The following KDM3A variants were observed in gnomAD, a reference collection of about 807,000 sequenced individuals.
KDM3A encodes the protein lysine demethylase 3A, also known as lysine-specific demethylase 3A.
Under a neutral mutation model 158.0 loss-of-function variants are expected in KDM3A, and 60 were observed. The ratio of observed to expected loss-of-function variants is 0.38; its 90% CI spans 0.31 to 0.47. KDM3A has a LOEUF of 0.47. Among genes scored for constraint, KDM3A ranks in the 20% least tolerant of loss-of-function variants. The probability of loss-of-function intolerance (pLI) is 0.99; values close to 1 mark genes in which losing one functional copy is unlikely to be tolerated. For missense variants in KDM3A, 1,319 were observed against 1,574.3 expected (o/e 0.84, Z 2.74); for synonymous variants, 608 against 549.3 (o/e 1.11, Z -1.49).
rs755166565 is a variant in KDM3A, at chr2:86,485,117, A to G, written c.3182+88A>G. 3.7e-5 allele frequency: 28 copies of G among 763,842 alleles called. 1 individual carries two copies. Among genetic ancestry groups the G allele is most frequent in the African/African-American group, 5.3e-5 (3 of 56,566 alleles). The allele number at this position is 763,842 out of a possible 1,614,324, so 47.3% of individuals were successfully genotyped here. A position where few individuals can be genotyped will look rare whatever the true frequency, so the allele number is the denominator to read the frequency against. ...TGAGGTAGTGAGAAAACAGTTTTCA[A>G]GAAAATAACAAAAGTTCTGTAATTA... On this transcript the variant is annotated intron_variant, in intron 20 of 25. Coordinates refer to ENST00000312912, the MANE Select transcript of KDM3A (RefSeq NM_018433.6).
intron 3 of KDM3A, among the ~76,000 whole-genome samples, chr2:86,450,521 A>G (rs1422166935): frequency 6.6e-6 from 1 of 152,198 alleles, no homozygotes; most frequent in African/African-American, 2.4e-5. Flanking sequence ...CTATATCCAC[A>G]TTGTAAAGTG....
At chr2:86,439,058 CTT>C (rs1239163460), upstream of KDM3A, among the ~76,000 whole-genome samples, 2 of 151,892 alleles carry the variant, frequency 1.3e-5, no homozygotes, top group East Asian at 1.9e-4. Context: ...TGGTACGTAA[CTT>C]ATATTCCTAG....
chr2:86,456,777 C>A, intron 6 of KDM3A, 28 bp from the exon 7 acceptor site: 1 of 1,556,478 alleles, frequency 6.4e-7, no homozygotes, highest in Non-Finnish European at 8.8e-7. Flanking sequence ...TTTTATTTTC[C>A]GGTATCTTTG....
Position 86,492,392 on chromosome 2 carries a change from G to A in KDM3A, c.*273G>A, listed in dbSNP as rs1433197885. 1 of 369,044 alleles carries A rather than the reference G, an allele frequency of 2.7e-6. No homozygotes were observed. The highest frequency in any genetic ancestry group is 5.0e-6 in the Non-Finnish European group (1 of 201,808). 22.9% of individuals were successfully genotyped at this position (369,044 alleles called of 1,614,324 possible). A position where few individuals can be genotyped will look rare whatever the true frequency, so the allele number is the denominator to read the frequency against. On this transcript the variant is annotated 3_prime_UTR_variant, in exon 26 of 26. Transcript: ENST00000312912. ...AAAGCAAAACCTCGTATCAGCTCTG[G>A]AACAATACCTGCAGTTATTCTTCAG...
rs1470768693 is a variant in KDM3A, at chr2:86,474,788, C to G, written c.1737C>G (p.Asn579Lys). 1 of 1,460,586 alleles carries G rather than the reference C, an allele frequency of 6.8e-7. No homozygotes were observed. Among genetic ancestry groups the G allele is most frequent in the Non-Finnish European group, 9.2e-7 (1 of 1,082,016 alleles). The allele number at this position is 1,460,586 out of a possible 1,614,324, so 90.5% of individuals were successfully genotyped here. A position where few individuals can be genotyped will look rare whatever the true frequency, so the allele number is the denominator to read the frequency against. The part of the protein sequence containing the change: ...RFFHFRRLQF[N>K]KHGVLRVEGF... ...CTGCTTCCCCTAGGTTACAATTCAA[C>G]AAACATGGTGTGTTGCGGGTAGAAG... Residue 579 changes from asparagine to lysine, a missense_variant, in exon 12 of 26, where the codon AAC becomes AAG. This residue lies in a region of KDM3A where 113 missense variants were observed against 190.5 expected (regional missense o/e 0.59). Transcript: ENST00000312912.
intron 2 of KDM3A, chr2:86,442,649 A>C (rs533214989): frequency 1.3e-5 from 2 of 156,008 alleles, no homozygotes; most frequent in East Asian, 3.8e-4. Flanking sequence ...CTGTTAATTT[A>C]TTCACTCAAC....
chr2:86,480,615 A>C (rs1004268737), intron 16 of KDM3A, among the ~76,000 whole-genome samples: 4 of 152,212 alleles, frequency 2.6e-5, no homozygotes, highest in Non-Finnish European at 4.4e-5. Context: ...TCTTTCATGC[A>C]AAGATCTGGA....
rs967019200 is a variant in KDM3A at position 86,480,416 on chromosome 2, A to G, written c.2512+54A>G. On this transcript the variant is annotated intron_variant, in intron 16 of 25. Transcript: ENST00000312912. ...CTTGAGTATTTTAGTCCATTCGTGG[A>G]AGGACTTGAGAGAACAGTGGTTAGA... The G allele has an allele frequency of 8.1e-6, 12 of 1,484,956 alleles. No individual in the cohort carries two copies. The Admixed American group carries it at 1.9e-4, about 24-fold the overall frequency. 92.0% of individuals were successfully genotyped at this position (1,484,956 alleles called of 1,614,324 possible).
chr2:86,439,687 A>C (rs1050503863), upstream of KDM3A, among the ~76,000 whole-genome samples: 28 of 152,162 alleles, frequency 1.8e-4, no homozygotes, highest in African/African-American at 6.8e-4. Context: ...CTCTGAAAAC[A>C]AATTGTCAAA....
intron 16 of KDM3A, 139 bp downstream of exon 16, chr2:86,480,501 G>A (rs1188351393): frequency 2.8e-6 from 2 of 717,784 alleles, no homozygotes; most frequent in African/African-American, 1.8e-5. Context: ...ACAAATGAAA[G>A]TGTTTTTGAA....
intron 12 of KDM3A, among the ~76,000 whole-genome samples, chr2:86,477,157 A>G (rs994094394): frequency 2.0e-5 from 3 of 152,210 alleles, no homozygotes; most frequent in Non-Finnish European, 2.9e-5. Flanking sequence ...GGCCACTGGA[A>G]CAGAAAATGC....
chr2:86,438,427 A>G (rs530610303), upstream of KDM3A, among the ~76,000 whole-genome samples: 2 of 152,260 alleles, frequency 1.3e-5, no homozygotes, highest in East Asian at 1.9e-4. Flanking sequence ...GATCTAATGT[A>G]CATCATGGTG....
intron 9 of KDM3A, among the ~76,000 whole-genome samples, chr2:86,465,153 T>C (rs1370540927): frequency 6.6e-6 from 1 of 152,238 alleles, no homozygotes; most frequent in Non-Finnish European, 1.5e-5. Context: ...CTTTGCATTT[T>C]TCTGGAGAAA....
chr2:86,438,210 G>A (rs995921671), upstream of KDM3A, among the ~76,000 whole-genome samples: 2 of 152,086 alleles, frequency 1.3e-5, no homozygotes, highest in Non-Finnish European at 2.9e-5. Context: ...AATTTTTGGT[G>A]TATCTATTGA....
intron 6 of KDM3A, 109 bp from the exon 7 acceptor site, chr2:86,456,696 A>G: frequency 7.7e-7 from 1 of 1,291,150 alleles, no homozygotes; most frequent in Non-Finnish European, 1.1e-6. Context: ...GTTGTTTTAA[A>G]AAGAAATTAT....
upstream of KDM3A, among the ~76,000 whole-genome samples, chr2:86,439,865 G>A (rs908894210): frequency 6.6e-6 from 1 of 151,836 alleles, no homozygotes; most frequent in South Asian, 2.1e-4. Flanking sequence ...GCTTTCATTT[G>A]GCTACCATTT....
chr2:86,485,135 T>C (rs1674119530), intron 20 of KDM3A, 106 bp downstream of exon 20: 3 of 669,114 alleles, frequency 4.5e-6, no homozygotes, highest in Non-Finnish European at 7.9e-6. Context: ...ACAAAAGTTC[T>C]GTAATTATAC....
chr2:86,492,087 A>G lies in KDM3A; in HGVS notation c.3934A>G (p.Lys1312Glu), dbSNP rs1438079827. The stretch of plus-strand genomic sequence containing the variant: ...AGTGAAAGATGCAGTTGCTATGCTG[A>G]AAGCCAGTGAATCCAGTTTTGGCAA... ...HAVKDAVAML[K>E]ASESSFGKP Residue 1312 changes from lysine (K) to glutamate (E), a missense_variant, in exon 26 of 26, where the codon AAA (lysine) becomes GAA (glutamate). By Grantham distance (56) the Lys-to-Glu change is moderately conservative (BLOSUM62 1). This residue lies in a region of KDM3A where 186 missense variants were observed against 340.9 expected (regional missense o/e 0.55). Coordinates refer to ENST00000312912, the MANE Select transcript of KDM3A (RefSeq NM_018433.6). The G allele has an allele frequency of 1.9e-6, 3 of 1,613,528 alleles. No individual in the cohort carries two copies. The highest frequency in any genetic ancestry group is 1.7e-6 in the Non-Finnish European group (2 of 1,179,664).
intron 11 of KDM3A, among the ~76,000 whole-genome samples, chr2:86,470,914 T>C (rs1456369085): frequency 6.6e-6 from 1 of 152,224 alleles, no homozygotes; most frequent in African/African-American, 2.4e-5. Context: ...CCCTTGTTGG[T>C]ATTAAGATTA....
Sources: allele counts gnomAD v4.1 joint callset (sites outside exome capture counted in the v4.1 genomes callset), GRCh38; gene constraint gnomAD v4.1.1; regional missense constraint gnomAD v4.1.1; transcripts MANE v1.5; gene names NCBI Gene and HGNC (gene_info 2026-07-23, HGNC 2026-07-21).